SOX6: variants seen among roughly 807,000 people sequenced by gnomAD.
The protein encoded by SOX6 is SRY-box transcription factor 6.
Under a neutral mutation model 97.8 loss-of-function variants are expected in SOX6, and 11 were observed. That is an observed-to-expected ratio of 0.11 (90% CI 0.07 to 0.19). The LOEUF (loss-of-function observed/expected upper bound fraction) is 0.19, where lower values mean the gene tolerates loss of function less well. SOX6 is among the 10% of genes least tolerant of loss of function. The probability of loss-of-function intolerance (pLI) is 1.00; values close to 1 mark genes in which losing one functional copy is unlikely to be tolerated. For missense variants in SOX6, 810 were observed against 1,039.5 expected, an observed-to-expected ratio of 0.78 and a Z score of 3.04; for synonymous variants, 360 against 371.4, an observed-to-expected ratio of 0.97 and a Z score of 0.35.
chr11:16,343,390 T>C (rs1856691873), intron 1 of SOX6, among the ~76,000 whole-genome samples: 1 of 151,934 alleles, frequency 6.6e-6, no homozygotes, highest in Non-Finnish European at 1.5e-5. Context: ...TAAAGTGAAT[T>C]GGCTCCTTCC....
At position 16,522,283 on chromosome 11, in the gene SOX6, T is replaced by C. The variant is rs553080885; in HGVS notation, n.610-45895A>G. On this transcript the variant is annotated intron_variant and non_coding_transcript_variant, in intron 4 of 5. Transcript: ENST00000524520. ...CCCATCAGACTAACAGCGGATCTCTTGGCAGGAACTCTACAACCCAGAAGA... is the reference window on the plus strand; with the variant it reads ...CCCATCAGACTAACAGCGGATCTCTCGGCAGGAACTCTACAACCCAGAAGA... Among the ~76,000 whole-genome samples the C allele has an allele frequency of 4.3e-4, 65 of 152,238 alleles. 1 individual carries two copies. The East Asian group carries it at 0.012, about 28-fold the overall frequency.
intron 2 of SOX6, among the ~76,000 whole-genome samples, chr11:16,723,725 A>C (rs1401804760): frequency 6.6e-6 from 1 of 152,064 alleles, no homozygotes; most frequent in Non-Finnish European, 1.5e-5. Flanking sequence ...CAGAAGTTGC[A>C]GTGAGTCAAG....
At chr11:16,047,540 C>T (rs78501763) in intron 11 of SOX6, among the ~76,000 whole-genome samples, 5,969 of 152,146 alleles carry the variant, frequency 0.039, 176 homozygotes, top group Non-Finnish European at 0.059. Context: ...TGACTTATTT[C>T]CAACGATATC....
chr11:16,613,128 C>T lies in SOX6; in HGVS notation n.430-868G>A, dbSNP rs1848419575. 1 of 152,196 alleles carries T rather than the reference C, an allele frequency of 6.6e-6. No individual in the cohort carries two copies. Among genetic ancestry groups the T allele is most frequent in the Admixed American group, 6.5e-5 (1 of 15,270 alleles). 9.4% of individuals were successfully genotyped at this position (152,196 alleles called of 1,614,324 possible). A position where few individuals can be genotyped will look rare whatever the true frequency, so the allele number is the denominator to read the frequency against. On this transcript the variant is annotated intron_variant and non_coding_transcript_variant, in intron 3 of 5. Coordinates refer to the SOX6 transcript ENST00000524520. This position sits in a 1 kb window ranked among gnomAD's most constrained non-coding sequence, Gnocchi z 4.6. The stretch of plus-strand genomic sequence containing the variant: ...AAGTTAGTCAGAAGGCGGTGTTAGG[C>T]AGGAAAGCGCCTACGGGAAAAACAG...
chr11:16,000,358 G>A (rs1013287268), intron 13 of SOX6, among the ~76,000 whole-genome samples: 4 of 152,148 alleles, frequency 2.6e-5, no homozygotes, highest in Non-Finnish European at 5.9e-5. Flanking sequence ...TTTGTTCTCT[G>A]TATCTTTTAT....
chr11:16,150,542 A>G (rs1589976497), intron 6 of SOX6, among the ~76,000 whole-genome samples: 1 of 152,288 alleles, frequency 6.6e-6, no homozygotes, highest in African/African-American at 2.4e-5. Flanking sequence ...TGAAACTCAC[A>G]CTGAAGGAAT....
intron 15 of SOX6, among the ~76,000 whole-genome samples, chr11:15,983,638 TAA>T (rs1033924592): frequency 3.3e-5 from 5 of 152,066 alleles, no homozygotes; most frequent in African/African-American, 1.2e-4. Context: ...TACAACTACT[TAA>T]AAGAGAATAC....
chr11:16,294,826 A>G (rs1043851364), intron 3 of SOX6, among the ~76,000 whole-genome samples: 1 of 152,094 alleles, frequency 6.6e-6, no homozygotes, highest in African/African-American at 2.4e-5. Context: ...TATGAGTTAA[A>G]AGAATTTCAT....
rs528676706 is a variant in SOX6, at chr11:16,356,214, C to T, written c.-125G>A. On this transcript the variant is annotated 5_prime_UTR_variant, in exon 1 of 16. Transcript: ENST00000683767. ...CCAAATCACAAGAAACCTCTGACTG[C>T]CAACCAAAAAAAAAAAAAACCCAAC... Among the ~76,000 whole-genome samples, 91 of 150,352 alleles carry T rather than the reference C, an allele frequency of 6.1e-4. No homozygotes were observed. Among genetic ancestry groups the T allele is most frequent in the Non-Finnish European group, 1.2e-3 (82 of 67,568 alleles).
At chr11:16,183,802 G>A (rs1301214833) in intron 6 of SOX6, 84 bp downstream of exon 6, 3 of 1,205,396 alleles carry the variant, frequency 2.5e-6, no homozygotes, top group Non-Finnish European at 3.7e-6. Context: ...ATAAGACAGG[G>A]GTACATCTGC....
intron 3 of SOX6, among the ~76,000 whole-genome samples, chr11:16,662,984 C>T (rs939031164): frequency 6.6e-6 from 1 of 151,656 alleles, no homozygotes; most frequent in East Asian, 1.9e-4. Flanking sequence ...AGCCACCATA[C>T]CCATCCTAAA....
chr11:16,423,779 T>C (rs894314616), intron 1 of SOX6, among the ~76,000 whole-genome samples: 6 of 152,146 alleles, frequency 3.9e-5, no homozygotes, highest in Non-Finnish European at 8.8e-5. Context: ...TCCATCCATG[T>C]AGAGTTAAAA....
intron 4 of SOX6, among the ~76,000 whole-genome samples, chr11:16,188,123 C>A (rs935150963): frequency 6.6e-6 from 1 of 150,656 alleles, no homozygotes; most frequent in African/African-American, 2.4e-5. Context: ...TCAGAGGATG[C>A]AGGCTAGCAC....
intron 6 of SOX6, among the ~76,000 whole-genome samples, chr11:16,174,956 CA>C (rs1236862093): frequency 2.6e-5 from 4 of 151,942 alleles, no homozygotes; most frequent in Admixed American, 2.0e-4. Flanking sequence ...ATACAATCTC[CA>C]AGCTGCTCTA....
chr11:16,211,421 T>C (rs577060003), intron 4 of SOX6, among the ~76,000 whole-genome samples: 126 of 150,544 alleles, frequency 8.4e-4, no homozygotes, highest in African/African-American at 3.0e-3. Context: ...GTGATAGCAA[T>C]GGCAAATTTA....
chr11:16,189,232 C>T (rs1405945725), intron 4 of SOX6, among the ~76,000 whole-genome samples: 4 of 152,110 alleles, frequency 2.6e-5, no homozygotes, highest in African/African-American at 9.7e-5. Context: ...AACAAATTAA[C>T]AGAAGGATAA....
intron 4 of SOX6, among the ~76,000 whole-genome samples, chr11:16,503,428 T>G (rs965547121): frequency 2.0e-5 from 3 of 152,128 alleles, no homozygotes; most frequent in African/African-American, 7.2e-5. Context: ...ATGACAGGAA[T>G]AAGCCTTCAC....
intron 3 of SOX6, among the ~76,000 whole-genome samples, chr11:16,629,198 T>TAAAAGCA (rs1312530194): frequency 2.0e-5 from 3 of 152,210 alleles, no homozygotes; most frequent in Admixed American, 6.5e-5. Context: ...ATGCTTTTAG[T>TAAAAGCA]TTTTGCCATT....
At chr11:16,110,273 A>C (rs917263040) in intron 7 of SOX6, 1 of 152,130 alleles carries the variant, frequency 6.6e-6, no homozygotes. Flanking sequence ...GGACTGGTAC[A>C]GGGGTGTCAA....
Sources: allele counts gnomAD v4.1 joint callset (sites outside exome capture counted in the v4.1 genomes callset), GRCh38; gene constraint gnomAD v4.1.1; non-coding constraint Gnocchi (gnomAD v3.1); transcripts MANE v1.5; gene names NCBI Gene and HGNC (gene_info 2026-07-23, HGNC 2026-07-21).